The following CCDC171 variants were observed in gnomAD, a reference collection of about 807,000 sequenced individuals.
CCDC171 encodes the protein coiled-coil domain-containing protein 171.
A neutral mutation model predicts 168.2 loss-of-function variants in CCDC171; 177 were observed. The ratio of observed to expected loss-of-function variants is 1.05; its 90% CI spans 0.93 to 1.19. CCDC171 has a LOEUF of 1.19. Among genes scored for constraint, CCDC171 ranks in the 50% most tolerant of loss-of-function variants. The pLI is 0.00. For synonymous variants in CCDC171, 687 were observed against 540.8 expected (o/e 1.27, Z -3.75); for missense variants, 1,991 against 1,539.0 (o/e 1.29, Z -4.91).
At chr9:16,056,018 A>G (rs1004347857) in intron 1 of CCDC171, among the ~76,000 whole-genome samples, 2 of 152,254 alleles carry the variant, frequency 1.3e-5, no homozygotes, top group Admixed American at 1.3e-4. Context: ...AACATGGAAG[A>G]ATGCTTTTAT....
At chr9:15,872,515 C>T (rs188963896) in intron 23 of CCDC171, among the ~76,000 whole-genome samples, 5 of 152,010 alleles carry the variant, frequency 3.3e-5, no homozygotes, top group Middle Eastern at 3.4e-3. Context: ...TCTCTTTGCC[C>T]GTATTAGCAA....
intron 7 of CCDC171, among the ~76,000 whole-genome samples, chr9:15,650,076 A>T (rs2047386135): frequency 6.6e-6 from 1 of 152,256 alleles, no homozygotes; most frequent in African/African-American, 2.4e-5. Context: ...GCCATAAAAA[A>T]GGATGAGTTC....
At chr9:15,732,753 A>T (rs777561887) in intron 16 of CCDC171, among the ~76,000 whole-genome samples, 1 of 152,124 alleles carries the variant, frequency 6.6e-6, no homozygotes. Flanking sequence ...TTAAACATCC[A>T]TGGAAAGGTT....
chr9:15,700,331 C>G (rs1247932546), intron 11 of CCDC171, among the ~76,000 whole-genome samples: 1 of 152,228 alleles, frequency 6.6e-6, no homozygotes, highest in Non-Finnish European at 1.5e-5. Flanking sequence ...GCCGGCTGCT[C>G]TGAGTGTGGG....
At chr9:15,732,707 T>C (rs2054228218) in intron 16 of CCDC171, among the ~76,000 whole-genome samples, 3 of 152,162 alleles carry the variant, frequency 2.0e-5, no homozygotes, top group African/African-American at 7.2e-5. Flanking sequence ...GGCCTTTGGA[T>C]TGCTTTTAGT....
At chr9:15,933,991 A>C (rs1483532153) in intron 25 of CCDC171, among the ~76,000 whole-genome samples, 1 of 152,036 alleles carries the variant, frequency 6.6e-6, no homozygotes, top group South Asian at 2.1e-4. Context: ...GACAACCCAT[A>C]GAATGGGGGA....
At chr9:15,582,993 A>G (rs1398556530) in intron 4 of CCDC171, among the ~76,000 whole-genome samples, 1 of 152,054 alleles carries the variant, frequency 6.6e-6, no homozygotes, top group African/African-American at 2.4e-5. Flanking sequence ...ACTACTGGGT[A>G]TCTTCCCAGA....
chr9:15,879,512 A>G (rs1428173367), intron 24 of CCDC171, among the ~76,000 whole-genome samples: 1 of 152,158 alleles, frequency 6.6e-6, no homozygotes, highest in Non-Finnish European at 1.5e-5. Flanking sequence ...TCCCTATTAT[A>G]CTATTGAATA....
At chr9:15,932,168 G>C (rs1826607315) in intron 25 of CCDC171, among the ~76,000 whole-genome samples, 1 of 151,786 alleles carries the variant, frequency 6.6e-6, no homozygotes, top group Non-Finnish European at 1.5e-5. Context: ...TCTTTTGATA[G>C]GGACTGCATT....
At chr9:15,934,750 A>T (rs1029183372) in intron 25 of CCDC171, among the ~76,000 whole-genome samples, 3 of 152,182 alleles carry the variant, frequency 2.0e-5, no homozygotes, top group South Asian at 4.1e-4. Flanking sequence ...GGTACAAACA[A>T]CCCAAAGTCC....
intron 3 of CCDC171, among the ~76,000 whole-genome samples, chr9:15,992,164 C>T (rs199848553): frequency 2.6e-5 from 4 of 152,208 alleles, no homozygotes; most frequent in Admixed American, 6.5e-5. Flanking sequence ...TGATGAACAT[C>T]GATGCAAAAA....
In CCDC171 at chr9:16,014,989, C is replaced by G. The variant is rs997524725; in HGVS notation, n.369-5600C>G. ...AGCCTGCCCTTTGAAGCCTTGAACT[C>G]TTCCAATATAAGACTGTTTCGTCTA... On this transcript the variant is annotated intron_variant and non_coding_transcript_variant, in intron 3 of 9. Transcript: ENST00000486641. 7.0e-4 allele frequency among the ~76,000 whole-genome samples: 107 copies of G among 152,100 alleles called. 1 individual carries two copies. Among genetic ancestry groups the G allele is most frequent in the African/African-American group, 2.4e-3 (98 of 41,406 alleles).
intron 5 of CCDC171, among the ~76,000 whole-genome samples, chr9:15,593,798 T>C (rs552649805): frequency 4.6e-5 from 7 of 152,122 alleles, no homozygotes; most frequent in East Asian, 1.9e-4. Context: ...ATACATATTA[T>C]ATATAGGTAA....
intron 11 of CCDC171, among the ~76,000 whole-genome samples, chr9:15,705,120 A>ACACT (rs1462439068): frequency 6.7e-6 from 1 of 149,790 alleles, no homozygotes; most frequent in African/African-American, 2.5e-5. Context: ...ACACACACAC[A>ACACT]CTCTCACTCA....
intron 25 of CCDC171, among the ~76,000 whole-genome samples, chr9:15,945,152 A>G (rs1317213665): frequency 1.3e-5 from 2 of 149,450 alleles, no homozygotes; most frequent in Non-Finnish European, 3.0e-5. Flanking sequence ...TTCTTGTGAT[A>G]GTTTACTGAG....
intron 25 of CCDC171, among the ~76,000 whole-genome samples, chr9:15,926,898 A>T (rs915029048): frequency 1.3e-5 from 2 of 151,704 alleles, no homozygotes; most frequent in Admixed American, 6.6e-5. Context: ...AACAACCCTT[A>T]TATCAGTGCT....
At chr9:15,668,650 T>C (rs1440207179) in intron 9 of CCDC171, among the ~76,000 whole-genome samples, 1 of 152,134 alleles carries the variant, frequency 6.6e-6, no homozygotes, top group Non-Finnish European at 1.5e-5. Context: ...CATCTTCCTT[T>C]TCCGTGTATG....
chr9:16,058,302 C>T (rs1369596338), intron 1 of CCDC171, among the ~76,000 whole-genome samples: 1 of 152,154 alleles, frequency 6.6e-6, no homozygotes, highest in Non-Finnish European at 1.5e-5. Flanking sequence ...ATGACCACAT[C>T]CTTCCACTCT....
At chr9:15,688,090 G>T (rs527955295) in intron 10 of CCDC171, among the ~76,000 whole-genome samples, 1 of 139,002 alleles carries the variant, frequency 7.2e-6, no homozygotes, top group Non-Finnish European at 1.5e-5. Flanking sequence ...TTGCACTCCA[G>T]CCTGGGCAAC....
Sources: gnomAD v4.1 joint callset for allele counts (sites outside exome capture counted in the v4.1 genomes callset) on GRCh38, gnomAD v4.1.1 for gene constraint, MANE v1.5 for transcripts, NCBI Gene and HGNC (gene_info 2026-07-23, HGNC 2026-07-21) for gene names.